Variants in BRD7 observed in about 807,000 individuals in gnomAD.
BRD7 encodes bromodomain containing 7.
In BRD7, 15 loss-of-function variants were observed where a neutral mutation model predicts 82.1. That is an observed-to-expected ratio of 0.18 (90% CI 0.12 to 0.28). The LOEUF (loss-of-function observed/expected upper bound fraction) is 0.28. Ranked by LOEUF, BRD7 falls within the 10% of genes least tolerant of loss-of-function variation. The pLI, the probability that BRD7 is intolerant of heterozygous loss-of-function variation, is 1.00. For synonymous variants in BRD7, 232 were observed against 266.9 expected (o/e 0.87, Z 1.27); for missense variants, 638 against 779.9 (o/e 0.82, Z 2.17).
rs567879689 is a variant in BRD7, at chr16:50,346,857, C to T, written c.591+3166G>A. The stretch of plus-strand genomic sequence containing the variant: ...CAAAGAGGAGCTGGTACTATTCCTT[C>T]TGAAACTATTCCAATCAATAGAAAA... On this transcript the variant is annotated intron_variant, in intron 5 of 16. Transcript: ENST00000394688. 3.0e-4 allele frequency among the ~76,000 whole-genome samples: 46 copies of T among 152,320 alleles called. No individual in the cohort carries two copies. The South Asian group carries it at 3.9e-3, about 13-fold the overall frequency.
At chr16:50,367,274 G>A (rs1291859009) in intron 2 of BRD7, among the ~76,000 whole-genome samples, 1 of 152,134 alleles carries the variant, frequency 6.6e-6, no homozygotes, top group Non-Finnish European at 1.5e-5. Context: ...CCAGGCTGGA[G>A]TGCAGTGGTA....
In BRD7 at chr16:50,318,437, C is replaced by T. The variant is rs2036922525; in HGVS notation, c.*774G>A. ...TCTATCTCCATCCTGATTTTTTTCC[C>T]TTGTGTATAACAGGTTCTATACCGA... On this transcript the variant is annotated 3_prime_UTR_variant, in exon 17 of 17. Transcript: ENST00000394688. 2 of 152,104 alleles carry T rather than the reference C, an allele frequency of 1.3e-5. No homozygotes were observed. The highest frequency in any genetic ancestry group is 4.1e-4 in the South Asian group (2 of 4,824). 9.4% of individuals were successfully genotyped at this position (152,104 alleles called of 1,614,324 possible). A position where few individuals can be genotyped will look rare whatever the true frequency, so the allele number is the denominator to read the frequency against.
Position 50,323,707 on chromosome 16 carries a change from G to C in BRD7, c.1332-9C>G. The C allele has an allele frequency of 6.2e-7, 1 of 1,604,638 alleles. No individual in the cohort carries two copies. The highest frequency in any genetic ancestry group is 8.5e-7 in the Non-Finnish European group (1 of 1,171,570). On this transcript the variant is annotated splice_polypyrimidine_tract_variant and intron_variant, in intron 11 of 16. Transcript: ENST00000394688. The stretch of plus-strand genomic sequence containing the variant: ...CCAAAAACTCATGGATGCTGCAAGA[G>C]ACAGTTAGGAAAGTCTCACATAAAT...
intron 4 of BRD7, among the ~76,000 whole-genome samples, chr16:50,353,649 A>G (rs941775682): frequency 2.6e-5 from 4 of 151,968 alleles, no homozygotes; most frequent in African/African-American, 9.7e-5. Flanking sequence ...GCTGGAGTGC[A>G]GTGGTGCAAT....
At chr16:50,368,566 AC>A (rs2039245778) in intron 1 of BRD7, 159 bp downstream of exon 1, 4 of 783,108 alleles carry the variant, frequency 5.1e-6, no homozygotes, top group Non-Finnish European at 5.6e-6. Flanking sequence ...CCGCGGCCGC[AC>A]GGGGGGCAGC....
chr16:50,334,354 A>C (rs72786272), intron 7 of BRD7, among the ~76,000 whole-genome samples: 4,151 of 152,346 alleles, frequency 0.027, 70 homozygotes, highest in Non-Finnish European at 0.042. Context: ...GCTCCCACTG[A>C]ACTCCTTGCT....
chr16:50,343,363 C>A (rs1411335481), intron 5 of BRD7, among the ~76,000 whole-genome samples: 1 of 152,240 alleles, frequency 6.6e-6, no homozygotes, highest in South Asian at 2.1e-4. Context: ...CGAATAGGAA[C>A]AGATCCAGTC....
At chr16:50,337,027 C>T (rs8060897) in intron 6 of BRD7, among the ~76,000 whole-genome samples, 150,632 of 152,244 alleles carry the variant, frequency 0.99, 74,539 homozygotes, top group Middle Eastern at 1. Flanking sequence ...GTAAGTACTA[C>T]TATTATCCCC....
At chr16:50,346,006 C>T (rs1444748234) in intron 5 of BRD7, among the ~76,000 whole-genome samples, 1 of 152,104 alleles carries the variant, frequency 6.6e-6, no homozygotes, top group Non-Finnish European at 1.5e-5. Context: ...CAAAATTGAC[C>T]ACACAGTTGG....
chr16:50,364,479 A>T (rs1176867181), intron 2 of BRD7, among the ~76,000 whole-genome samples: 1 of 152,240 alleles, frequency 6.6e-6, no homozygotes, highest in African/African-American at 2.4e-5. Flanking sequence ...ACCCCAGAGG[A>T]TCTGAAGTCT....
At chr16:50,359,498 T>A (rs1220171237) in intron 2 of BRD7, among the ~76,000 whole-genome samples, 1 of 152,148 alleles carries the variant, frequency 6.6e-6, no homozygotes, top group Non-Finnish European at 1.5e-5. Context: ...GGCTATATAG[T>A]GAAAGAGAAA....
At chr16:50,343,616 C>T (rs2038162357) in intron 5 of BRD7, among the ~76,000 whole-genome samples, 1 of 152,196 alleles carries the variant, frequency 6.6e-6, no homozygotes, top group Admixed American at 6.5e-5. Context: ...TAATACTGTG[C>T]TTTTCCAATG....
In BRD7 at chr16:50,317,346, T is replaced by C; in HGVS notation, c.*1865A>G. The C allele has an allele frequency of 6.6e-6, 1 of 152,528 alleles. No individual in the cohort carries two copies. Among genetic ancestry groups the C allele is most frequent in the East Asian group, 1.9e-4 (1 of 5,324 alleles). 9.4% of individuals were successfully genotyped at this position (152,528 alleles called of 1,614,324 possible). ...GGCTGGTTTCACATGAATACTATAC[T>C]GAAATCTGTGCTCTCAAGATCTAGC... On this transcript the variant is annotated 3_prime_UTR_variant, in exon 17 of 17. Coordinates refer to ENST00000394688, the MANE Select transcript of BRD7 (RefSeq NM_013263.5).
intron 11 of BRD7, among the ~76,000 whole-genome samples, chr16:50,325,158 T>C (rs1378396324): frequency 6.6e-6 from 1 of 152,218 alleles, no homozygotes; most frequent in Non-Finnish European, 1.5e-5. Flanking sequence ...GCCAGAATCC[T>C]GCTAAGTCAG....
rs111278147 is a variant in BRD7, at chr16:50,354,333, C to A, written c.446+92G>T. 3.6e-3 allele frequency: 3,795 copies of A among 1,055,236 alleles called. 105 individuals carry two copies. The African/African-American group carries it at 0.053, about 15-fold the overall frequency. 65.4% of individuals were successfully genotyped at this position (1,055,236 alleles called of 1,614,324 possible). A position where few individuals can be genotyped will look rare whatever the true frequency, so the allele number is the denominator to read the frequency against. ...ATATTTATCATTCACTTTAAAATCA[C>A]GTATGTTTGGAGTTAGGCACAAATG... On this transcript the variant is annotated intron_variant, in intron 4 of 16. Coordinates refer to ENST00000394688, the MANE Select transcript of BRD7 (RefSeq NM_013263.5).
intron 5 of BRD7, among the ~76,000 whole-genome samples, chr16:50,347,516 G>A (rs9930762): frequency 0.37 from 55,299 of 151,066 alleles, 11,577 homozygotes; most frequent in Middle Eastern, 0.49. Flanking sequence ...AAACCCCATC[G>A]TCTCAGCCCA....
chr16:50,364,513 A>G (rs2151213732), intron 2 of BRD7, among the ~76,000 whole-genome samples: 1 of 152,274 alleles, frequency 6.6e-6, no homozygotes, highest in East Asian at 1.9e-4. Flanking sequence ...TGAAATAGAA[A>G]CCATCCCCCT....
At chr16:50,365,942 A>AGT (rs1250106292) in intron 2 of BRD7, among the ~76,000 whole-genome samples, 1 of 152,098 alleles carries the variant, frequency 6.6e-6, no homozygotes, top group African/African-American at 2.4e-5. Flanking sequence ...TGAAGGCACA[A>AGT]GTATTCATTG....
At chr16:50,368,323 G>A (rs754146308) in intron 1 of BRD7, 25 bp from the exon 2 acceptor site, 64 of 1,606,014 alleles carry the variant, frequency 4.0e-5, no homozygotes, top group Non-Finnish European at 4.9e-5. Flanking sequence ...AGAAAAGAAA[G>A]GAAAGCGCGT....
Sources: allele counts gnomAD v4.1 joint callset (sites outside exome capture counted in the v4.1 genomes callset), GRCh38; gene constraint gnomAD v4.1.1; transcripts MANE v1.5; gene names NCBI Gene and HGNC (gene_info 2026-07-23, HGNC 2026-07-21).